ALMS1: variants seen among roughly 807,000 people sequenced by gnomAD.
ALMS1 encodes the protein ALMS1 centrosome and basal body associated protein.
A neutral mutation model predicts 352.2 loss-of-function variants in ALMS1; 271 were observed. The ratio of observed to expected loss-of-function variants is 0.77; its 90% CI spans 0.70 to 0.85. The LOEUF (loss-of-function observed/expected upper bound fraction) is 0.85. Ranked by LOEUF, ALMS1 falls within the 40% of genes least tolerant of loss-of-function variation. ALMS1 has a pLI of 0.00. For synonymous variants in ALMS1, 1,865 were observed against 1,761.2 expected (o/e 1.06, Z -1.48); for missense variants, 5,445 against 4,870.7 (o/e 1.12, Z -3.51).
chr2:73,571,040 G>A (rs1235290331), intron 15 of ALMS1, among the ~76,000 whole-genome samples: 1 of 152,170 alleles, frequency 6.6e-6, no homozygotes, highest in Non-Finnish European at 1.5e-5. Flanking sequence ...TGCAGAAGCT[G>A]CAATCTCAAG....
intron 1 of ALMS1, among the ~76,000 whole-genome samples, chr2:73,389,356 A>G (rs1415415885): frequency 1.3e-5 from 2 of 152,036 alleles, no homozygotes; most frequent in African/African-American, 2.4e-5. Context: ...TGTCAGATGC[A>G]TAGTTTGCAG....
In ALMS1 at chr2:73,491,004, G is replaced by A. The variant is rs1329009878; in HGVS notation, c.9045G>A (p.Lys3015=). 4 of 1,614,210 alleles carry A rather than the reference G, an allele frequency of 2.5e-6. No individual in the cohort carries two copies. The East Asian group carries it at 6.7e-5, about 27-fold the overall frequency. The change falls in exon 10 of 23, where the codon AAG becomes AAA. Residue 3015 remains lysine, a synonymous_variant. Transcript: ENST00000613296. ...SHISNINVEA[K]FNTVVSQSAP... Reference sequence around the variant, plus strand: ...TTTCTAATATAAATGTTGAAGCCAAGTTCAATACTGTGGTCTCCCAGTCAG... The same window carrying A: ...TTTCTAATATAAATGTTGAAGCCAAATTCAATACTGTGGTCTCCCAGTCAG...
At position 73,449,528 on chromosome 2, in the gene ALMS1, G is replaced by A. The variant is rs772407444; in HGVS notation, c.3001G>A (p.Gly1001Ser). ...TGTCCCAACACCAACAGTACCTTCAGGTTCCTTCTCACATAGAGAGAAGCC... is the reference window on the plus strand; with the variant it reads ...TGTCCCAACACCAACAGTACCTTCAAGTTCCTTCTCACATAGAGAGAAGCC... ...KTVPTPTVPS[G>S]SFSHREKPSI... Residue 1001 changes from glycine (G) to serine (S), a missense_variant, in exon 8 of 23, where the codon GGT becomes AGT. Transcript: ENST00000613296. 2.5e-6 allele frequency: 4 copies of A among 1,613,794 alleles called. No individual in the cohort carries two copies. In the African/African-American group the frequency reaches 4.0e-5, roughly 16 times the overall value.
chr2:73,540,701 A>G (rs2104006261), intron 12 of ALMS1, among the ~76,000 whole-genome samples: 1 of 152,300 alleles, frequency 6.6e-6, no homozygotes, highest in South Asian at 2.1e-4. Flanking sequence ...AATGGAAAAC[A>G]AAAAAAGGCA....
chr2:73,413,811 A>G (rs969380257), intron 2 of ALMS1, among the ~76,000 whole-genome samples: 3 of 152,112 alleles, frequency 2.0e-5, no homozygotes, highest in Admixed American at 6.5e-5. Flanking sequence ...CTTTTTTTCC[A>G]GTGGATTTCA....
At chr2:73,547,100 A>T (rs1207809431) in intron 12 of ALMS1, among the ~76,000 whole-genome samples, 5 of 152,242 alleles carry the variant, frequency 3.3e-5, no homozygotes, top group African/African-American at 1.2e-4. Flanking sequence ...TTGATACTGT[A>T]TTATAAAATA....
chr2:73,525,697 A>G (rs1572995474), intron 11 of ALMS1, among the ~76,000 whole-genome samples: 2 of 151,856 alleles, frequency 1.3e-5, no homozygotes, highest in Non-Finnish European at 2.9e-5. Flanking sequence ...TGTCAGATGG[A>G]TAGTTTGCAA....
At chr2:73,414,336 C>G (rs192494778) in intron 2 of ALMS1, among the ~76,000 whole-genome samples, 1 of 151,252 alleles carries the variant, frequency 6.6e-6, no homozygotes, top group East Asian at 2.0e-4. Context: ...ACCTTGTGTC[C>G]TATTACCTTG....
At position 73,451,028 on chromosome 2, in the gene ALMS1, A is replaced by G. The variant is rs1245643918; in HGVS notation, c.4501A>G (p.Lys1501Glu). The G allele has an allele frequency of 6.2e-7, 1 of 1,613,772 alleles. No individual in the cohort carries two copies. The highest frequency in any genetic ancestry group is 8.5e-7 in the Non-Finnish European group (1 of 1,179,912). The change falls in exon 8 of 23, where the codon AAA (lysine) becomes GAA (glutamate). Residue 1501 changes from lysine to glutamate, a missense_variant. Coordinates refer to ENST00000613296, the MANE Select transcript of ALMS1 (RefSeq NM_001378454.1). ...PEGHLPEESL[K>E]VSVAPGPVGQ... ...GGGTCATCTACCTGAAGAGTCTCTG[A>G]AAGTTTCAGTTGCTCCTGGACCAGT...
chr2:73,397,413 T>C lies in ALMS1; in HGVS notation c.325-11209T>C, dbSNP rs80209408. Among the ~76,000 whole-genome samples, 168 of 151,466 alleles carry C rather than the reference T, an allele frequency of 1.1e-3. 1 individual carries two copies. In the East Asian group the frequency reaches 0.029, roughly 27 times the overall value. ...TTTTTTTTTATGATGGGGATGGGAG[T>C]GATTACTTCCAAGCTCTTTATATGC... is the stretch of plus-strand genomic sequence containing the variant. On this transcript the variant is annotated intron_variant, in intron 1 of 22. Coordinates refer to ENST00000613296, the MANE Select transcript of ALMS1 (RefSeq NM_001378454.1).
intron 15 of ALMS1, among the ~76,000 whole-genome samples, chr2:73,571,670 G>A (rs1169996347): frequency 6.6e-6 from 1 of 151,924 alleles, no homozygotes; most frequent in East Asian, 1.9e-4. Context: ...ATCTAAAAAT[G>A]TCAAAAAATG....
chr2:73,528,235 A>G lies in ALMS1; in HGVS notation c.9782-6589A>G, dbSNP rs531767965. Reference sequence around the variant, plus strand: ...GTGTATTCTGCAGCCGTTGGATGAAATGTTCTGTAAATATCTATTAGGTCC... The same window carrying G: ...GTGTATTCTGCAGCCGTTGGATGAAGTGTTCTGTAAATATCTATTAGGTCC... On this transcript the variant is annotated intron_variant, in intron 11 of 22. Coordinates refer to ENST00000613296, the MANE Select transcript of ALMS1 (RefSeq NM_001378454.1). Among the ~76,000 whole-genome samples the G allele has an allele frequency of 3.9e-5, 6 of 152,278 alleles. No homozygotes were observed. In the South Asian group the frequency reaches 1.2e-3, roughly 32 times the overall value.
At chr2:73,467,445 G>A (rs1171891776) in intron 9 of ALMS1, among the ~76,000 whole-genome samples, 1 of 151,978 alleles carries the variant, frequency 6.6e-6, no homozygotes, top group Non-Finnish European at 1.5e-5. Flanking sequence ...AAATTAAAAA[G>A]AACAATGCTA....
intron 6 of ALMS1, among the ~76,000 whole-genome samples, chr2:73,431,948 A>G (rs1165796982): frequency 6.6e-6 from 1 of 152,186 alleles, no homozygotes; most frequent in African/African-American, 2.4e-5. Flanking sequence ...AGCCCTCAGG[A>G]TGATTTAGTC....
chr2:73,550,120 A>G, intron 12 of ALMS1, 147 bp from the exon 13 acceptor site: 1 of 760,304 alleles, frequency 1.3e-6, no homozygotes, highest in Non-Finnish European at 2.1e-6. Flanking sequence ...TCCACCTTCC[A>G]AAGTGCTGGG....
At chr2:73,502,726 A>G (rs543027210) in intron 10 of ALMS1, among the ~76,000 whole-genome samples, 4 of 152,198 alleles carry the variant, frequency 2.6e-5, no homozygotes, top group East Asian at 1.9e-4. Context: ...TATTGTTGAA[A>G]TTGTCATCTT....
At chr2:73,507,515 G>A (rs1226743790) in intron 10 of ALMS1, among the ~76,000 whole-genome samples, 1 of 152,182 alleles carries the variant, frequency 6.6e-6, no homozygotes, top group African/African-American at 2.4e-5. Context: ...GGGTGTATGT[G>A]TCGAGGAATT....
At chr2:73,469,687 A>G (rs1672429552) in intron 9 of ALMS1, 1 of 151,890 alleles carries the variant, frequency 6.6e-6, no homozygotes, top group South Asian at 2.1e-4. Flanking sequence ...TGATAATGAC[A>G]TTGTGGTTAT....
chr2:73,457,788 T>A (rs989953261), intron 9 of ALMS1, among the ~76,000 whole-genome samples: 19 of 151,914 alleles, frequency 1.3e-4, no homozygotes, highest in African/African-American at 4.6e-4. Flanking sequence ...ATCCTAGCAC[T>A]TTGGGAAGCC....
Sources: allele counts gnomAD v4.1 joint callset (sites outside exome capture counted in the v4.1 genomes callset), GRCh38; gene constraint gnomAD v4.1.1; transcripts MANE v1.5; gene names NCBI Gene and HGNC (gene_info 2026-07-23, HGNC 2026-07-21).